The following KAZN variants were observed in gnomAD, a reference collection of about 807,000 sequenced individuals.
KAZN encodes kazrin, periplakin interacting protein, also known as kazrin.
A neutral mutation model predicts 87.4 loss-of-function variants in KAZN; 40 were observed. That is an observed-to-expected ratio of 0.46 (90% confidence interval 0.36 to 0.60). The LOEUF is 0.60. Ranked by LOEUF, KAZN falls within the 20% of genes least tolerant of loss-of-function variation. KAZN has a pLI of 0.00. For missense variants in KAZN, 898 were observed against 1,073.9 expected (o/e 0.84, Z 2.29); for synonymous variants, 466 against 458.3 (o/e 1.02, Z -0.22).
At chr1:14,932,229 C>T (rs1659913667) in intron 1 of KAZN, among the ~76,000 whole-genome samples, 1 of 152,166 alleles carries the variant, frequency 6.6e-6, no homozygotes, top group Non-Finnish European at 1.5e-5. Flanking sequence ...TCCATGCTCC[C>T]CACTATGGCT....
chr1:14,715,555 G>A (rs1642748151), intron 1 of KAZN, among the ~76,000 whole-genome samples: 1 of 152,186 alleles, frequency 6.6e-6, no homozygotes, highest in African/African-American at 2.4e-5. Context: ...GGCTGCGTGT[G>A]TAGCTTGATG....
At chr1:14,492,867 G>T (rs754858775) in intron 2 of KAZN, among the ~76,000 whole-genome samples, 2 of 149,936 alleles carry the variant, frequency 1.3e-5, no homozygotes, top group Non-Finnish European at 3.0e-5. Context: ...GTGTGAGCAC[G>T]CACAGCACAC....
intron 1 of KAZN, among the ~76,000 whole-genome samples, chr1:14,885,759 T>C (rs1653970985): frequency 6.6e-6 from 1 of 152,194 alleles, no homozygotes; most frequent in South Asian, 2.1e-4. Context: ...GTCTCTTTCC[T>C]TCACTGCTCA....
intron 2 of KAZN, among the ~76,000 whole-genome samples, chr1:14,341,272 G>A (rs1332135401): frequency 6.6e-6 from 1 of 152,104 alleles, no homozygotes; most frequent in Non-Finnish European, 1.5e-5. Context: ...TGTAAAATGG[G>A]GAAATGATGA....
At chr1:14,082,507 C>T (rs1309357251) in intron 1 of KAZN, among the ~76,000 whole-genome samples, 1 of 152,060 alleles carries the variant, frequency 6.6e-6, no homozygotes, top group Non-Finnish European at 1.5e-5. Flanking sequence ...GCAAGTCAAC[C>T]CTTGATTGCA....
At chr1:13,922,832 T>C (rs1640117026) in intron 1 of KAZN, among the ~76,000 whole-genome samples, 1 of 152,218 alleles carries the variant, frequency 6.6e-6, no homozygotes, top group Non-Finnish European at 1.5e-5. Context: ...TGGAATGTTT[T>C]TTCTTACTTT....
intron 1 of KAZN, among the ~76,000 whole-genome samples, chr1:14,724,069 C>G (rs1272303562): frequency 6.6e-6 from 1 of 152,204 alleles, no homozygotes; most frequent in Non-Finnish European, 1.5e-5. Flanking sequence ...TTTACAACAA[C>G]AACGTGATTT....
At chr1:13,912,189 C>T (rs1418326601) in intron 1 of KAZN, among the ~76,000 whole-genome samples, 3 of 152,154 alleles carry the variant, frequency 2.0e-5, no homozygotes, top group African/African-American at 7.2e-5. Context: ...CCCCCTTTAC[C>T]CAGCACACAG....
intron 2 of KAZN, among the ~76,000 whole-genome samples, chr1:14,396,633 C>A (rs553469415): frequency 1.3e-5 from 2 of 152,170 alleles, no homozygotes; most frequent in African/African-American, 4.8e-5. Context: ...GCTGTGTACT[C>A]GAGTTTCTGG....
intron 2 of KAZN, among the ~76,000 whole-genome samples, chr1:14,213,397 A>G (rs1348243991): frequency 3.3e-5 from 5 of 152,140 alleles, no homozygotes; most frequent in Non-Finnish European, 7.3e-5. Flanking sequence ...AGGAATGGCA[A>G]TTTTACATAG....
chr1:14,836,075 GCAGGAGACCTGAC>G (rs1647241506), intron 1 of KAZN, among the ~76,000 whole-genome samples: 1 of 152,192 alleles, frequency 6.6e-6, no homozygotes, highest in Admixed American at 6.5e-5. Context: ...CGCCCCGCTA[GCAGGAGACCTGAC>G]CTGTAAGTTT....
At chr1:14,793,926 A>G (rs895555095) in intron 1 of KAZN, among the ~76,000 whole-genome samples, 1 of 152,180 alleles carries the variant, frequency 6.6e-6, no homozygotes, top group African/African-American at 2.4e-5. Context: ...TAGGGGCCCC[A>G]TGAAACCACA....
chr1:15,005,864 C>T (rs1464941516), intron 2 of KAZN, among the ~76,000 whole-genome samples: 4 of 152,214 alleles, frequency 2.6e-5, no homozygotes, highest in Non-Finnish European at 4.4e-5. Flanking sequence ...CCACTGCCTC[C>T]TGTATTGTTT....
intron 1 of KAZN, among the ~76,000 whole-genome samples, chr1:14,775,437 T>C (rs1303417132): frequency 6.6e-6 from 1 of 152,238 alleles, no homozygotes; most frequent in Admixed American, 6.5e-5. Context: ...TTAATTAACA[T>C]GTCCATGACT....
intron 8 of KAZN, chr1:15,067,500 G>A: frequency 1.0e-6 from 1 of 985,434 alleles, no homozygotes; most frequent in Non-Finnish European, 1.2e-6. Flanking sequence ...TTATTCTTTT[G>A]CTTCTGCTCG....
At chr1:14,139,927 A>ATG (rs541192220) in intron 1 of KAZN, among the ~76,000 whole-genome samples, 81 of 136,698 alleles carry the variant, frequency 5.9e-4, no homozygotes, top group South Asian at 2.0e-3. Context: ...TTTGAGGTAA[A>ATG]TGTGTGTGTG....
At chr1:15,002,135 C>T (rs1480606436) in intron 2 of KAZN, among the ~76,000 whole-genome samples, 1 of 152,176 alleles carries the variant, frequency 6.6e-6, no homozygotes. Context: ...CCGCCTCGTC[C>T]TCCCAAAGTG....
chr1:14,970,617 C>G (rs573105301), intron 2 of KAZN, among the ~76,000 whole-genome samples: 1 of 152,318 alleles, frequency 6.6e-6, no homozygotes, highest in East Asian at 1.9e-4. Context: ...ACGGCGCCTT[C>G]CCCCAGGCGT....
intron 1 of KAZN, among the ~76,000 whole-genome samples, chr1:14,710,719 C>G (rs1435252486): frequency 6.6e-6 from 1 of 152,168 alleles, no homozygotes; most frequent in Non-Finnish European, 1.5e-5. Context: ...TTCCCTGCTT[C>G]ATTTGTCCCA....
Sources: gnomAD v4.1 joint callset for allele counts (sites outside exome capture counted in the v4.1 genomes callset) on GRCh38, gnomAD v4.1.1 for gene constraint, MANE v1.5 for transcripts, NCBI Gene and HGNC (gene_info 2026-07-23, HGNC 2026-07-21) for gene names.